NCOA2: variants seen among roughly 807,000 people sequenced by gnomAD.
NCOA2 encodes class E basic helix-loop-helix protein 75.
Under a neutral mutation model 145.1 loss-of-function variants are expected in NCOA2, and 21 were observed. The observed-to-expected ratio is 0.14, with a 90% CI of 0.10 to 0.21. NCOA2 has a LOEUF of 0.21. Ranked by LOEUF, NCOA2 falls within the 10% of genes least tolerant of loss-of-function variation. The pLI is 1.00. For synonymous variants in NCOA2, 619 were observed against 637.5 expected (o/e 0.97, Z 0.44); for missense variants, 1,472 against 1,837.6 (o/e 0.80, Z 3.64).
intron 4 of NCOA2, among the ~76,000 whole-genome samples, chr8:70,204,535 T>G (rs1818239246): frequency 6.6e-6 from 1 of 152,222 alleles, no homozygotes; most frequent in Admixed American, 6.5e-5. Context: ...AGGATGGGAA[T>G]GTATTCACTC....
chr8:70,385,004 C>T (rs1033033538), intron 1 of NCOA2, among the ~76,000 whole-genome samples: 1 of 152,174 alleles, frequency 6.6e-6, no homozygotes, highest in Non-Finnish European at 1.5e-5. Flanking sequence ...GAAAATAATT[C>T]ATAATGTATC....
chr8:70,303,775 C>T (rs1343249775), intron 1 of NCOA2, among the ~76,000 whole-genome samples: 2 of 152,082 alleles, frequency 1.3e-5, no homozygotes, highest in Non-Finnish European at 2.9e-5. Flanking sequence ...TGACAACAGT[C>T]TTTAACAGAA....
chr8:70,452,235 A>G, the NCOA2 span, among the ~76,000 whole-genome samples: 1 of 152,188 alleles, frequency 6.6e-6, no homozygotes, highest in South Asian at 2.1e-4. Context: ...CTTGGCCCCC[A>G]AAGTGCTGGG....
At chr8:70,441,008 G>T in the NCOA2 span, among the ~76,000 whole-genome samples, 2 of 117,936 alleles carry the variant, frequency 1.7e-5, no homozygotes. Flanking sequence ...AGAAAGGAAA[G>T]AAATTTAAAA....
At chr8:70,349,885 C>T (rs1396378049) in intron 1 of NCOA2, among the ~76,000 whole-genome samples, 1 of 151,968 alleles carries the variant, frequency 6.6e-6, no homozygotes, top group Non-Finnish European at 1.5e-5. Context: ...TTATCTTAAA[C>T]TGACTTTTAT....
chr8:70,294,999 T>C (rs984609202), intron 2 of NCOA2, among the ~76,000 whole-genome samples: 1 of 152,206 alleles, frequency 6.6e-6, no homozygotes, highest in Non-Finnish European at 1.5e-5. Flanking sequence ...AGGTCAGACT[T>C]AATTCCTTCT....
At chr8:70,258,647 A>G (rs1484299549) in intron 2 of NCOA2, among the ~76,000 whole-genome samples, 1 of 152,048 alleles carries the variant, frequency 6.6e-6, no homozygotes, top group Non-Finnish European at 1.5e-5. Flanking sequence ...TCCCTCTACA[A>G]TTATCAAGAT....
At chr8:70,122,439 C>A (rs75347258) in intron 21 of NCOA2, among the ~76,000 whole-genome samples, 1 of 145,296 alleles carries the variant, frequency 6.9e-6, no homozygotes, top group Non-Finnish European at 1.5e-5. Context: ...TTTTTTTTTT[C>A]AGAGACAGAG....
At chr8:70,293,143 G>C (rs1586395690) in intron 2 of NCOA2, among the ~76,000 whole-genome samples, 1 of 152,040 alleles carries the variant, frequency 6.6e-6, no homozygotes, top group Non-Finnish European at 1.5e-5. Context: ...GGCAGATTTT[G>C]CCTAAAGCAA....
chr8:70,338,019 A>G (rs745613643), intron 1 of NCOA2, among the ~76,000 whole-genome samples: 15 of 152,134 alleles, frequency 9.9e-5, no homozygotes, highest in Non-Finnish European at 1.8e-4. Flanking sequence ...TACCATCACA[A>G]CTAAAAGAAC....
In NCOA2 at chr8:70,364,036, A is replaced by G. The variant is rs146247406; in HGVS notation, c.-77+39664T>C. Among the ~76,000 whole-genome samples, 456 of 152,056 alleles carry G rather than the reference A, an allele frequency of 3.0e-3. 1 individual carries two copies. The highest frequency in any genetic ancestry group is 0.024 in the Middle Eastern group (7 of 294). On this transcript the variant is annotated intron_variant, in intron 1 of 22. Coordinates refer to ENST00000452400, the MANE Select transcript of NCOA2 (RefSeq NM_006540.4). ...TGAAAAAAAAAACCCACAAATAAAGACTCAAAGAATGGAAAAAAAAAATGC... is the reference window on the plus strand; with the variant it reads ...TGAAAAAAAAAACCCACAAATAAAGGCTCAAAGAATGGAAAAAAAAAATGC...
At chr8:70,241,766 A>G (rs1386029112) in intron 2 of NCOA2, among the ~76,000 whole-genome samples, 1 of 152,134 alleles carries the variant, frequency 6.6e-6, no homozygotes, top group East Asian at 1.9e-4. Context: ...CCATCTCCCA[A>G]CTGTGAAACA....
chr8:70,194,078 T>C (rs1391091455), intron 4 of NCOA2, among the ~76,000 whole-genome samples: 1 of 152,230 alleles, frequency 6.6e-6, no homozygotes, highest in Non-Finnish European at 1.5e-5. Context: ...CCGTTTTAAA[T>C]GAACAACTTT....
At chr8:70,225,016 A>G (rs1820489922) in intron 2 of NCOA2, among the ~76,000 whole-genome samples, 1 of 152,100 alleles carries the variant, frequency 6.6e-6, no homozygotes. Context: ...CATCATCCCG[A>G]GACTCTCAGA....
intron 2 of NCOA2, among the ~76,000 whole-genome samples, chr8:70,221,794 A>C (rs933656274): frequency 6.6e-6 from 1 of 152,228 alleles, no homozygotes; most frequent in African/African-American, 2.4e-5. Flanking sequence ...ATAAAACAGA[A>C]GTAGAACTAT....
intron 12 of NCOA2, 146 bp from the exon 13 acceptor site, chr8:70,144,994 C>CA: frequency 4.5e-6 from 3 of 668,906 alleles, no homozygotes; most frequent in Non-Finnish European, 5.1e-6. Context: ...AAATCACAGA[C>CA]AAAAAACACA....
intron 1 of NCOA2, among the ~76,000 whole-genome samples, chr8:70,317,189 T>C (rs1805652841): frequency 6.6e-6 from 1 of 152,224 alleles, no homozygotes. Flanking sequence ...ATTTGGATTC[T>C]ATCCTCTTTG....
intron 1 of NCOA2, among the ~76,000 whole-genome samples, chr8:70,386,457 A>T (rs1332666164): frequency 6.6e-6 from 1 of 152,190 alleles, no homozygotes; most frequent in African/African-American, 2.4e-5. Context: ...AACTGTGTTC[A>T]TTATTACTTA....
chr8:70,326,468 CACAT>C (rs909657356), intron 1 of NCOA2, among the ~76,000 whole-genome samples: 5 of 151,110 alleles, frequency 3.3e-5, no homozygotes, highest in African/African-American at 1.2e-4. Context: ...CACACACACA[CACAT>C]GCACACACAC....
Sources: allele counts gnomAD v4.1 joint callset (sites outside exome capture counted in the v4.1 genomes callset), GRCh38; gene constraint gnomAD v4.1.1; transcripts MANE v1.5; gene names NCBI Gene and HGNC (gene_info 2026-07-23, HGNC 2026-07-21).